The following MTUS2 variants were observed in gnomAD, a reference collection of about 807,000 sequenced individuals.
MTUS2 encodes microtubule associated scaffold protein 2.
In MTUS2, 40 loss-of-function variants were observed where a neutral mutation model predicts 114.1. That is an observed-to-expected ratio of 0.35 (90% CI 0.27 to 0.46). The LOEUF (loss-of-function observed/expected upper bound fraction) is 0.46. MTUS2 is among the 20% of genes least tolerant of loss of function. The probability of loss-of-function intolerance (pLI) is 1.00; values close to 1 mark genes in which losing one functional copy is unlikely to be tolerated. For missense variants in MTUS2, 1,679 were observed against 1,705.4 expected, an observed-to-expected ratio of 0.98 and a Z score of 0.27; for synonymous variants, 688 against 672.0, an observed-to-expected ratio of 1.02 and a Z score of -0.37.
At chr13:29,017,087 A>G (rs1430723375) in intron 2 of MTUS2, among the ~76,000 whole-genome samples, 1 of 152,226 alleles carries the variant, frequency 6.6e-6, no homozygotes, top group Non-Finnish European at 1.5e-5. Flanking sequence ...TCAGATGAAT[A>G]CATTGACTTG....
intron 7 of MTUS2, among the ~76,000 whole-genome samples, chr13:29,344,556 T>G (rs535145937): frequency 6.2e-4 from 94 of 152,162 alleles, no homozygotes; most frequent in Non-Finnish European, 1.0e-3. Context: ...TGTTGTTAGA[T>G]GAGTCTCTTG....
chr13:29,039,650 T>C (rs997026313), intron 4 of MTUS2, among the ~76,000 whole-genome samples: 9 of 152,236 alleles, frequency 5.9e-5, no homozygotes, highest in African/African-American at 2.2e-4. Context: ...TCCTGAAAAC[T>C]GCAGATGCCT....
intron 4 of MTUS2, among the ~76,000 whole-genome samples, chr13:29,051,402 T>C (rs954284200): frequency 6.6e-6 from 1 of 152,158 alleles, no homozygotes; most frequent in African/African-American, 2.4e-5. Context: ...GAACTCCCTT[T>C]TGGGAATTCT....
intron 2 of MTUS2, among the ~76,000 whole-genome samples, chr13:28,939,575 A>G (rs1006673456): frequency 6.6e-6 from 1 of 152,172 alleles, no homozygotes; most frequent in African/African-American, 2.4e-5. Context: ...TGTTTGCTTT[A>G]TGCTCCAAAA....
chr13:28,852,934 G>C (rs530882981), intron 2 of MTUS2, among the ~76,000 whole-genome samples: 1 of 28,944 alleles, frequency 3.5e-5, no homozygotes, highest in Non-Finnish European at 8.7e-5. Flanking sequence ...CATACATAGC[G>C]AGCCTCTGTC....
In MTUS2 at chr13:28,971,189, A is replaced by T. The variant is rs185461018; in HGVS notation, c.-242-53268A>T. Among the ~76,000 whole-genome samples the T allele has an allele frequency of 1.8e-3, 268 of 152,310 alleles. 5 individuals are homozygous for T. In the East Asian group the frequency reaches 0.046, roughly 26 times the overall value. On this transcript the variant is annotated intron_variant, in intron 2 of 15. Coordinates refer to ENST00000612955, the MANE Select transcript of MTUS2 (RefSeq NM_001033602.4). ...CATTTCAGTCACTTGAAAACATTTT[A>T]AAAATATCTGGATTTAGAGTATTTT...
intron 2 of MTUS2, among the ~76,000 whole-genome samples, chr13:28,992,902 C>G (rs1182455205): frequency 6.6e-6 from 1 of 152,158 alleles, no homozygotes; most frequent in Non-Finnish European, 1.5e-5. Flanking sequence ...TCCCCACAGC[C>G]CCTGGCAATG....
chr13:29,459,897 C>T (rs1879364420), intron 9 of MTUS2, among the ~76,000 whole-genome samples: 1 of 152,128 alleles, frequency 6.6e-6, no homozygotes, highest in African/African-American at 2.4e-5. Flanking sequence ...CCTGCCTCTT[C>T]CTAAACTGTT....
intron 5 of MTUS2, among the ~76,000 whole-genome samples, chr13:29,148,815 G>A (rs368110980): frequency 1.3e-5 from 2 of 151,634 alleles, no homozygotes; most frequent in African/African-American, 4.8e-5. Flanking sequence ...AGTTTGCTGA[G>A]GATAATGGCT....
intron 2 of MTUS2, among the ~76,000 whole-genome samples, chr13:28,865,320 A>G (rs758661088): frequency 2.0e-4 from 31 of 152,326 alleles, no homozygotes; most frequent in Admixed American, 7.8e-4. Context: ...GCTTCAGAGT[A>G]ATGAGCATGG....
In MTUS2 at chr13:29,281,783, G is replaced by T. The variant is rs770020753; in HGVS notation, c.2724G>T (p.Arg908=). ...PSKDTPKGAG[R]VAPPASSSVT... ...AGGACACACCCAAGGGGGCCGGCCG[G>T]GTGGCCCCTCCAGCATCCTCCAGTG... The change falls in exon 6 of 16, where the codon CGG becomes CGT. Residue 908 remains arginine (R), a synonymous_variant. Transcript: ENST00000612955. 1 of 1,612,386 alleles carries T rather than the reference G, an allele frequency of 6.2e-7. No homozygotes were observed. The highest frequency in any genetic ancestry group is 1.1e-5 in the South Asian group (1 of 91,010).
At chr13:29,065,590 G>A (rs1888628285) in intron 4 of MTUS2, among the ~76,000 whole-genome samples, 1 of 151,950 alleles carries the variant, frequency 6.6e-6, no homozygotes, top group Non-Finnish European at 1.5e-5. Context: ...TATTTACCTG[G>A]GAAAAAATAA....
At chr13:29,285,875 T>C (rs1199329144) in intron 6 of MTUS2, among the ~76,000 whole-genome samples, 2 of 152,200 alleles carry the variant, frequency 1.3e-5, no homozygotes, top group East Asian at 1.9e-4. Context: ...AAAAAAACTT[T>C]GGAAGATATT....
intron 9 of MTUS2, among the ~76,000 whole-genome samples, chr13:29,452,098 T>C (rs1461018514): frequency 6.6e-6 from 1 of 152,184 alleles, no homozygotes; most frequent in Non-Finnish European, 1.5e-5. Context: ...TCTAAAGTCA[T>C]TTTAGTTTCT....
At chr13:29,475,230 T>G (rs1006371343) in intron 9 of MTUS2, among the ~76,000 whole-genome samples, 6 of 152,200 alleles carry the variant, frequency 3.9e-5, no homozygotes, top group African/African-American at 1.4e-4. Context: ...CATAGCACAA[T>G]GCATTACTCA....
At chr13:29,009,964 C>T (rs769036082) in intron 2 of MTUS2, among the ~76,000 whole-genome samples, 61 of 152,222 alleles carry the variant, frequency 4.0e-4, no homozygotes, top group Middle Eastern at 3.4e-3. Context: ...GTAATCCCAG[C>T]ACTTTGGGAG....
intron 2 of MTUS2, among the ~76,000 whole-genome samples, chr13:28,867,586 A>G (rs928710441): frequency 7.2e-5 from 11 of 152,258 alleles, no homozygotes; most frequent in African/African-American, 2.6e-4. Context: ...ATATTAGAAG[A>G]CTCACATGTT....
intron 9 of MTUS2, among the ~76,000 whole-genome samples, chr13:29,469,668 G>A (rs1880133603): frequency 6.6e-6 from 1 of 151,156 alleles, no homozygotes; most frequent in Non-Finnish European, 1.5e-5. Context: ...AAGGCTGGGT[G>A]CAGTGGCTCA....
chr13:29,428,557 C>A, intron 8 of MTUS2: 3 of 668,338 alleles, frequency 4.5e-6, no homozygotes, highest in Non-Finnish European at 4.7e-6. Context: ...ACTCCAGTGG[C>A]AAAGTGACCC....
Sources: allele counts gnomAD v4.1 joint callset (sites outside exome capture counted in the v4.1 genomes callset), GRCh38; gene constraint gnomAD v4.1.1; transcripts MANE v1.5; gene names NCBI Gene and HGNC (gene_info 2026-07-23, HGNC 2026-07-21).